Variants in ASH1L observed in about 807,000 individuals in gnomAD.
The protein encoded by ASH1L is histone-lysine N-methyltransferase ASH1L.
ASH1L carries 23 observed loss-of-function variants against 269.0 expected under a neutral mutation model. That is an observed-to-expected ratio of 0.09 (90% CI 0.06 to 0.12). The LOEUF (loss-of-function observed/expected upper bound fraction) is 0.12. Among genes scored for constraint, ASH1L ranks in the 10% least tolerant of loss-of-function variants. The pLI is 1.00. For synonymous variants in ASH1L, 1,187 were observed against 1,253.5 expected (o/e 0.95, Z 1.12); for missense variants, 2,912 against 3,567.8 (o/e 0.82, Z 4.68).
intron 6 of ASH1L, among the ~76,000 whole-genome samples, chr1:155,411,184 TAA>T (rs979833022): frequency 4.1e-4 from 62 of 152,266 alleles, no homozygotes; most frequent in African/African-American, 1.4e-3. Context: ...GCTCTAAACA[TAA>T]GTTTATTAAT....
At chr1:155,556,570 G>A (rs963191451) in intron 1 of ASH1L, among the ~76,000 whole-genome samples, 2 of 151,760 alleles carry the variant, frequency 1.3e-5, no homozygotes, top group African/African-American at 2.4e-5. Context: ...TTAGCCTCCC[G>A]AGTAGCTGGG....
At chr1:155,404,148 G>C (rs1400156317) in intron 6 of ASH1L, among the ~76,000 whole-genome samples, 5 of 151,162 alleles carry the variant, frequency 3.3e-5, no homozygotes, top group Non-Finnish European at 7.4e-5. Flanking sequence ...CTTGACTCAA[G>C]AGTTCAAGAC....
intron 1 of ASH1L, among the ~76,000 whole-genome samples, chr1:155,542,631 A>T (rs1219846073): frequency 6.6e-6 from 1 of 152,084 alleles, no homozygotes; most frequent in African/African-American, 2.4e-5. Flanking sequence ...TATTTTAAAC[A>T]AAAGAGCCAC....
chr1:155,400,778 T>C (rs1658765191), intron 6 of ASH1L, among the ~76,000 whole-genome samples: 1 of 152,238 alleles, frequency 6.6e-6, no homozygotes, highest in African/African-American at 2.4e-5. Flanking sequence ...TTGCTAATTT[T>C]ACTAAATTTA....
At chr1:155,358,979 G>A (rs1050721657) in intron 13 of ASH1L, among the ~76,000 whole-genome samples, 2 of 151,992 alleles carry the variant, frequency 1.3e-5, no homozygotes, top group South Asian at 2.1e-4. Context: ...AATTAGCGAC[G>A]CACAGTGGTA....
intron 6 of ASH1L, among the ~76,000 whole-genome samples, chr1:155,411,578 AATAAATAAATAT>A (rs1168129996): frequency 0.01 from 212 of 21,116 alleles, 4 homozygotes; most frequent in African/African-American, 0.027. Context: ...AATATAAATA[AATAAATAAATAT>A]ATATATATAT....
chr1:155,351,158 T>G (rs1185963085), intron 17 of ASH1L, among the ~76,000 whole-genome samples: 1 of 150,508 alleles, frequency 6.6e-6, no homozygotes, highest in Admixed American at 6.6e-5. Context: ...GGCAGGAGAA[T>G]TGCTTGAACC....
At position 155,362,981 on chromosome 1, in the gene ASH1L, T is replaced by A. The variant is rs966139537; in HGVS notation, c.6687-2572A>T. 2.6e-5 allele frequency among the ~76,000 whole-genome samples: 4 copies of A among 152,122 alleles called. No homozygotes were observed. The East Asian group carries it at 7.7e-4, about 29-fold the overall frequency. ...AATTCAGAAAGCATTTAAAAATTTT[T>A]ATTTATTTATTTATTTTTTGAAATG... On this transcript the variant is annotated intron_variant, in intron 12 of 27. Coordinates refer to ENST00000392403, the MANE Select transcript of ASH1L (RefSeq NM_018489.3).
At chr1:155,554,294 C>T (rs113951531) in intron 1 of ASH1L, among the ~76,000 whole-genome samples, 54 of 151,266 alleles carry the variant, frequency 3.6e-4, no homozygotes, top group African/African-American at 1.1e-3. Flanking sequence ...GTTTTGGAGA[C>T]GGAGTTTCAC....
At chr1:155,552,437 G>C (rs1558219232) in intron 1 of ASH1L, among the ~76,000 whole-genome samples, 1 of 152,152 alleles carries the variant, frequency 6.6e-6, no homozygotes. Flanking sequence ...CTGCACTCCA[G>C]CCTAGCCGAC....
intron 2 of ASH1L, among the ~76,000 whole-genome samples, chr1:155,520,594 G>T (rs1288660036): frequency 6.6e-6 from 1 of 151,944 alleles, no homozygotes; most frequent in East Asian, 1.9e-4. Flanking sequence ...CAGGCGTGGT[G>T]GCTCATGCCT....
chr1:155,350,410 G>T (rs1653792366), intron 17 of ASH1L, among the ~76,000 whole-genome samples: 1 of 152,156 alleles, frequency 6.6e-6, no homozygotes, highest in Admixed American at 6.5e-5. Flanking sequence ...TTCTAAGATT[G>T]TCTAGGATAT....
At chr1:155,363,775 C>A (rs565764286) in intron 12 of ASH1L, among the ~76,000 whole-genome samples, 1 of 151,144 alleles carries the variant, frequency 6.6e-6, no homozygotes, top group African/African-American at 2.4e-5. Flanking sequence ...GAGTTCGAGA[C>A]CAGCCTGGAC....
chr1:155,403,037 T>G (rs994926272), intron 6 of ASH1L, among the ~76,000 whole-genome samples: 4 of 150,248 alleles, frequency 2.7e-5, no homozygotes, highest in African/African-American at 4.9e-5. Flanking sequence ...ATACACAAAT[T>G]AGCCAGGTGT....
intron 4 of ASH1L, among the ~76,000 whole-genome samples, chr1:155,442,049 G>A (rs1284984695): frequency 1.3e-5 from 2 of 152,092 alleles, no homozygotes; most frequent in Admixed American, 6.6e-5. Context: ...TTATAGGTAT[G>A]AGCCGCCTGC....
intron 4 of ASH1L, among the ~76,000 whole-genome samples, chr1:155,457,316 A>G (rs1386422887): frequency 6.6e-6 from 1 of 152,190 alleles, no homozygotes. Context: ...AACATACCAT[A>G]TATGATATAG....
intron 4 of ASH1L, among the ~76,000 whole-genome samples, chr1:155,456,568 C>T (rs940519544): frequency 6.6e-6 from 1 of 152,082 alleles, no homozygotes; most frequent in African/African-American, 2.4e-5. Context: ...GGTCTCCGTC[C>T]CCATCACCTC....
intron 2 of ASH1L, among the ~76,000 whole-genome samples, chr1:155,487,973 C>T (rs948501953): frequency 1.3e-5 from 2 of 151,688 alleles, no homozygotes; most frequent in Non-Finnish European, 1.5e-5. Flanking sequence ...CTGCAACCTC[C>T]GCCTCCCGGG....
At chr1:155,484,977 C>G (rs1666230367) in intron 2 of ASH1L, among the ~76,000 whole-genome samples, 2 of 143,122 alleles carry the variant, frequency 1.4e-5, no homozygotes, top group African/African-American at 2.6e-5. Context: ...ACCAACCAAC[C>G]ACCCGGTGCA....
Sources: allele counts gnomAD v4.1 joint callset (sites outside exome capture counted in the v4.1 genomes callset), GRCh38; gene constraint gnomAD v4.1.1; transcripts MANE v1.5; gene names NCBI Gene and HGNC (gene_info 2026-07-23, HGNC 2026-07-21).